Variants in CDH20 observed in about 807,000 individuals in gnomAD.
The protein encoded by CDH20 is cadherin-20.
Under a neutral mutation model 74.2 loss-of-function variants are expected in CDH20, and 29 were observed. The ratio of observed to expected loss-of-function variants is 0.39; its 90% CI spans 0.29 to 0.53. The LOEUF (loss-of-function observed/expected upper bound fraction) is 0.53, where lower values mean the gene tolerates loss of function less well. CDH20 is among the 20% of genes least tolerant of loss of function. The pLI, the probability that CDH20 is intolerant of heterozygous loss-of-function variation, is 0.69. For synonymous variants in CDH20, 469 were observed against 405.4 expected, an observed-to-expected ratio of 1.16 and a Z score of -1.88; for missense variants, 988 against 1,048.3, an observed-to-expected ratio of 0.94 and a Z score of 0.79.
intron 6 of CDH20, among the ~76,000 whole-genome samples, chr18:61,509,172 A>G (rs926882667): frequency 1.3e-5 from 2 of 152,178 alleles, no homozygotes; most frequent in East Asian, 1.9e-4. Flanking sequence ...AATCAGCACT[A>G]AAGAACTTAC....
intron 1 of CDH20, among the ~76,000 whole-genome samples, chr18:61,360,456 G>T (rs1336287154): frequency 1.3e-5 from 2 of 152,144 alleles, no homozygotes; most frequent in Non-Finnish European, 2.9e-5. Context: ...AGTGCTCAGG[G>T]TCTCTTGAAT....
At chr18:61,548,997 A>G (rs1466637126) in intron 10 of CDH20, among the ~76,000 whole-genome samples, 1 of 152,230 alleles carries the variant, frequency 6.6e-6, no homozygotes, top group African/African-American at 2.4e-5. Context: ...TTCCTATGAA[A>G]TATGAAACAC....
At position 61,554,628 on chromosome 18, in the gene CDH20, G is replaced by C. The variant is rs1463445650; in HGVS notation, c.2339G>C (p.Trp780Ser). The C allele has an allele frequency of 6.2e-7, 1 of 1,603,762 alleles. No homozygotes were observed. The highest frequency in any genetic ancestry group is 8.5e-7 in the Non-Finnish European group (1 of 1,175,712). Residue 780 changes from tryptophan (W) to serine (S), a missense_variant, in exon 12 of 12, where the codon TGG becomes TCG. Transcript: ENST00000262717. ...SEQSFDFLTD[W>S]GPRFRKLAEL... ...CAGAGCTTCGACTTCCTGACGGACT[G>C]GGGGCCCCGCTTCCGGAAGCTGGCC...
rs115949280 is a variant in CDH20 at position 61,402,491 on chromosome 18, T to A, written c.-153+68664T>A. ...TACTTCATGAAATACATCCCTTGATTCCCTAATGTCATCCTCTTTATGAAC... is the reference window on the plus strand; with the variant it reads ...TACTTCATGAAATACATCCCTTGATACCCTAATGTCATCCTCTTTATGAAC... On this transcript the variant is annotated intron_variant, in intron 1 of 11. Coordinates refer to ENST00000262717, the MANE Select transcript of CDH20 (RefSeq NM_031891.4). Among the ~76,000 whole-genome samples the A allele has an allele frequency of 4.6e-3, 705 of 152,318 alleles. 5 individuals are homozygous for A. Among genetic ancestry groups the A allele is most frequent in the African/African-American group, 0.016 (680 of 41,574 alleles).
intron 1 of CDH20, among the ~76,000 whole-genome samples, chr18:61,399,699 G>GA (rs1460273511): frequency 6.6e-6 from 1 of 152,062 alleles, no homozygotes; most frequent in Non-Finnish European, 1.5e-5. Context: ...TATTGGAATG[G>GA]AAAAAATTTG....
At chr18:61,491,673 A>C (rs995784431) in intron 2 of CDH20, among the ~76,000 whole-genome samples, 3 of 152,074 alleles carry the variant, frequency 2.0e-5, no homozygotes, top group Non-Finnish European at 4.4e-5. Context: ...TGTCTACCCA[A>C]GTTCTTTCCC....
chr18:61,390,721 G>A (rs565818646), intron 1 of CDH20, among the ~76,000 whole-genome samples: 1 of 152,192 alleles, frequency 6.6e-6, no homozygotes, highest in South Asian at 2.1e-4. Flanking sequence ...TTTCTAATCA[G>A]GGAAGGAAAT....
chr18:61,411,780 G>T (rs1295457657), intron 1 of CDH20, among the ~76,000 whole-genome samples: 2 of 152,088 alleles, frequency 1.3e-5, no homozygotes, highest in African/African-American at 4.8e-5. Context: ...AATATCATAT[G>T]TGGGAACTAC....
intron 1 of CDH20, among the ~76,000 whole-genome samples, chr18:61,485,707 TA>T (rs1486531581): frequency 6.6e-6 from 1 of 152,158 alleles, no homozygotes; most frequent in Non-Finnish European, 1.5e-5. Flanking sequence ...GCATCAACAT[TA>T]AATCAGAATA....
chr18:61,495,439 G>A (rs181738522), intron 2 of CDH20, among the ~76,000 whole-genome samples: 4 of 152,300 alleles, frequency 2.6e-5, no homozygotes, highest in South Asian at 2.1e-4. Context: ...TCTCCAAGCC[G>A]TAATTTCTCC....
At chr18:61,497,340 C>T (rs1253852310) in intron 2 of CDH20, among the ~76,000 whole-genome samples, 3 of 152,186 alleles carry the variant, frequency 2.0e-5, no homozygotes, top group Non-Finnish European at 4.4e-5. Flanking sequence ...CCAGCCACAA[C>T]CTCCAAACCC....
intron 1 of CDH20, among the ~76,000 whole-genome samples, chr18:61,429,685 G>C (rs1374392293): frequency 6.6e-6 from 1 of 152,122 alleles, no homozygotes; most frequent in Non-Finnish European, 1.5e-5. Context: ...CGTCTCCCCT[G>C]ATTCTAACAT....
chr18:61,472,867 A>G (rs1910234452), intron 1 of CDH20, among the ~76,000 whole-genome samples: 1 of 152,204 alleles, frequency 6.6e-6, no homozygotes, highest in African/African-American at 2.4e-5. Flanking sequence ...AATTTCTTTC[A>G]TGGCTTCTGA....
At chr18:61,493,313 G>T (rs983863107) in intron 2 of CDH20, among the ~76,000 whole-genome samples, 1 of 151,958 alleles carries the variant, frequency 6.6e-6, no homozygotes, top group Non-Finnish European at 1.5e-5. Flanking sequence ...TAACTATGCC[G>T]GTGCTGCCTG....
In CDH20 at chr18:61,392,088, T is replaced by C. The variant is rs1299031101; in HGVS notation, c.-153+58261T>C. 2.0e-5 allele frequency among the ~76,000 whole-genome samples: 3 copies of C among 152,152 alleles called. No individual in the cohort carries two copies. The East Asian group carries it at 5.8e-4, about 29-fold the overall frequency. ...GCTTACCATTGCTCAGAAAGATTAC[T>C]GCCCTTGCCTGATCTGCTCACACCT... On this transcript the variant is annotated intron_variant, in intron 1 of 11. Transcript: ENST00000262717.
intron 6 of CDH20, among the ~76,000 whole-genome samples, chr18:61,513,001 T>C (rs557535131): frequency 6.6e-6 from 1 of 152,272 alleles, no homozygotes; most frequent in East Asian, 1.9e-4. Flanking sequence ...TGGAGAGTTC[T>C]GTAGATGTCT....
intron 1 of CDH20, among the ~76,000 whole-genome samples, chr18:61,352,954 G>A (rs1910359060): frequency 6.6e-6 from 1 of 152,176 alleles, no homozygotes; most frequent in Admixed American, 6.5e-5. Context: ...TTATAGTGCT[G>A]CATAGAATAA....
At chr18:61,397,204 A>T (rs1015286620) in intron 1 of CDH20, among the ~76,000 whole-genome samples, 2 of 151,784 alleles carry the variant, frequency 1.3e-5, no homozygotes, top group African/African-American at 2.4e-5. Flanking sequence ...TCTGGAACCC[A>T]CCCACATCTC....
At chr18:61,424,157 T>C (rs1379876711) in intron 1 of CDH20, among the ~76,000 whole-genome samples, 1 of 152,242 alleles carries the variant, frequency 6.6e-6, no homozygotes, top group African/African-American at 2.4e-5. Flanking sequence ...TGATGTGTAA[T>C]GATTGAACCA....
Sources: gnomAD v4.1 joint callset for allele counts (sites outside exome capture counted in the v4.1 genomes callset) on GRCh38, gnomAD v4.1.1 for gene constraint, MANE v1.5 for transcripts, NCBI Gene and HGNC (gene_info 2026-07-23, HGNC 2026-07-21) for gene names.